The following ULK4 variants were observed in gnomAD, a reference collection of about 807,000 sequenced individuals.
ULK4 encodes inactive serine/threonine-protein kinase ULK4.
ULK4 carries 133 observed loss-of-function variants against 160.6 expected under a neutral mutation model. That is an observed-to-expected ratio of 0.83 (90% confidence interval 0.72 to 0.96). ULK4 has a LOEUF of 0.96. Among genes scored for constraint, ULK4 ranks in the 40% least tolerant of loss-of-function variants. ULK4 has a pLI of 0.00. For missense variants in ULK4, 1,580 were observed against 1,499.5 expected (o/e 1.05, Z -0.89); for synonymous variants, 534 against 539.8 (o/e 0.99, Z 0.15).
intron 31 of ULK4, among the ~76,000 whole-genome samples, chr3:41,603,088 A>G (rs1459644706): frequency 6.6e-6 from 1 of 152,138 alleles, no homozygotes; most frequent in Non-Finnish European, 1.5e-5. Context: ...GTATACAAGA[A>G]ACTCACTTAA....
At chr3:41,560,954 G>C (rs1329394956) in intron 32 of ULK4, among the ~76,000 whole-genome samples, 2 of 152,174 alleles carry the variant, frequency 1.3e-5, no homozygotes, top group African/African-American at 4.8e-5. Context: ...TTTTCAAAGG[G>C]AATGCTTCCA....
intron 35 of ULK4, among the ~76,000 whole-genome samples, chr3:41,270,259 T>A (rs1344364906): frequency 6.6e-6 from 1 of 152,054 alleles, no homozygotes; most frequent in Non-Finnish European, 1.5e-5. Context: ...GGAAAGAGTG[T>A]GAGAGCTGGG....
At chr3:41,386,938 A>T (rs765051752) in intron 35 of ULK4, among the ~76,000 whole-genome samples, 11 of 152,106 alleles carry the variant, frequency 7.2e-5, no homozygotes, top group Non-Finnish European at 5.9e-5. Flanking sequence ...CATTTTATCA[A>T]TACTAATACT....
chr3:41,858,147 G>GTT (rs71288052), intron 17 of ULK4, among the ~76,000 whole-genome samples: 3,964 of 91,506 alleles, frequency 0.043, 100 homozygotes, highest in Non-Finnish European at 0.064. Flanking sequence ...TTTTTTGTTT[G>GTT]TTTTTTTTTT....
intron 19 of ULK4, among the ~76,000 whole-genome samples, chr3:41,814,010 G>C (rs1203341141): frequency 6.6e-6 from 1 of 152,160 alleles, no homozygotes; most frequent in African/African-American, 2.4e-5. Context: ...AGCGCTGAGT[G>C]GGGTAGACCG....
intron 30 of ULK4, among the ~76,000 whole-genome samples, chr3:41,648,144 C>A (rs551364464): frequency 6.6e-6 from 1 of 152,228 alleles, no homozygotes; most frequent in Admixed American, 6.5e-5. Context: ...ACCCCTTGCG[C>A]TTCCCGAGTG....
chr3:41,431,569 G>C (rs1247563003), intron 34 of ULK4, among the ~76,000 whole-genome samples: 2 of 34,784 alleles, frequency 5.7e-5, no homozygotes, highest in Non-Finnish European at 9.8e-5. Flanking sequence ...TTTTGATGTG[G>C]AAAGAGAGGC....
intron 32 of ULK4, among the ~76,000 whole-genome samples, chr3:41,524,916 G>A (rs562145349): frequency 2.6e-5 from 4 of 152,018 alleles, no homozygotes; most frequent in South Asian, 2.1e-4. Context: ...CCAGTCTGGC[G>A]ATAGAGCAAG....
intron 34 of ULK4, among the ~76,000 whole-genome samples, chr3:41,401,582 G>T (rs573807306): frequency 2.0e-5 from 3 of 152,054 alleles, no homozygotes; most frequent in Non-Finnish European, 4.4e-5. Context: ...CTCTTTTAGG[G>T]TCTCTGGTCA....
At chr3:41,318,498 A>G (rs1214607940) in intron 35 of ULK4, among the ~76,000 whole-genome samples, 1 of 152,196 alleles carries the variant, frequency 6.6e-6, no homozygotes, top group Admixed American at 6.5e-5. Context: ...TAGTACTGAG[A>G]GTCAAAATAA....
intron 32 of ULK4, among the ~76,000 whole-genome samples, chr3:41,479,051 G>A (rs533400721): frequency 2.0e-5 from 3 of 152,334 alleles, no homozygotes; most frequent in Admixed American, 6.5e-5. Context: ...CTCATCAGCA[G>A]CACAGCCTGG....
intron 5 of ULK4, among the ~76,000 whole-genome samples, chr3:41,931,072 G>T (rs2148821810): frequency 6.6e-6 from 1 of 152,234 alleles, no homozygotes; most frequent in South Asian, 2.1e-4. Context: ...CAAAGATGTG[G>T]AACCAACCCA....
rs7615148 is a variant in ULK4, at chr3:41,771,094, C to T, written c.2194-16606G>A. Among the ~76,000 whole-genome samples, 5 of 152,040 alleles carry T rather than the reference C, an allele frequency of 3.3e-5. No individual in the cohort carries two copies. In the South Asian group the frequency reaches 6.2e-4, roughly 19 times the overall value. On this transcript the variant is annotated intron_variant, in intron 21 of 36. Coordinates refer to ENST00000301831, the MANE Select transcript of ULK4 (RefSeq NM_017886.4). ...ACACTGAATACTCCAGCTAATAATA[C>T]GGCTTACCATAAGAATAGCTCACTC...
chr3:41,652,663 A>G (rs1044879679), intron 30 of ULK4, among the ~76,000 whole-genome samples: 1 of 152,234 alleles, frequency 6.6e-6, no homozygotes. Flanking sequence ...GGTGGGGGTC[A>G]GAATCTCATG....
chr3:41,748,022 C>G (rs1168289173), intron 22 of ULK4, among the ~76,000 whole-genome samples: 1 of 151,674 alleles, frequency 6.6e-6, no homozygotes, highest in Non-Finnish European at 1.5e-5. Flanking sequence ...ATTTTTGAGT[C>G]AAATTAAGGA....
At chr3:41,851,213 T>C (rs2042204720) in intron 17 of ULK4, among the ~76,000 whole-genome samples, 3 of 152,318 alleles carry the variant, frequency 2.0e-5, no homozygotes, top group African/African-American at 7.2e-5. Context: ...GGCTGTGGGT[T>C]TGTCATAGAT....
chr3:41,504,098 G>T (rs1340635161), intron 32 of ULK4, among the ~76,000 whole-genome samples: 1 of 152,066 alleles, frequency 6.6e-6, no homozygotes, highest in Non-Finnish European at 1.5e-5. Flanking sequence ...TATTTAGTTG[G>T]TCAGGTAGAG....
At chr3:41,611,207 TCAGCTTAATC>T (rs1465335650) in intron 31 of ULK4, among the ~76,000 whole-genome samples, 7 of 152,212 alleles carry the variant, frequency 4.6e-5, no homozygotes, top group Admixed American at 3.9e-4. Flanking sequence ...ACAAATGCAT[TCAGCTTAATC>T]CAGCGTATGC....
chr3:41,904,854 T>C (rs1042612805), intron 12 of ULK4, among the ~76,000 whole-genome samples: 10 of 152,194 alleles, frequency 6.6e-5, no homozygotes, highest in African/African-American at 2.2e-4. Flanking sequence ...AAAGAAAACC[T>C]AAGTAAGTAT....
Sources: gnomAD v4.1 joint callset for allele counts (sites outside exome capture counted in the v4.1 genomes callset) on GRCh38, gnomAD v4.1.1 for gene constraint, MANE v1.5 for transcripts, NCBI Gene and HGNC (gene_info 2026-07-23, HGNC 2026-07-21) for gene names.